The following MAGI1 variants were observed in gnomAD, a reference collection of about 807,000 sequenced individuals.
MAGI1 encodes the protein membrane-associated guanylate kinase, WW and PDZ domain-containing protein 1.
In MAGI1, 58 loss-of-function variants were observed where a neutral mutation model predicts 139.9. The observed-to-expected ratio is 0.41, with a 90% confidence interval of 0.34 to 0.52. The LOEUF (loss-of-function observed/expected upper bound fraction) is 0.52, where lower values mean the gene tolerates loss of function less well. Among genes scored for constraint, MAGI1 ranks in the 20% least tolerant of loss-of-function variants. The probability of loss-of-function intolerance (pLI) is 0.12; values close to 1 mark genes in which losing one functional copy is unlikely to be tolerated. For synonymous variants in MAGI1, 812 were observed against 737.9 expected (o/e 1.10, Z -1.63); for missense variants, 1,874 against 1,901.6 (o/e 0.99, Z 0.27).
At position 65,433,739 on chromosome 3, in the gene MAGI1, C is replaced by T. The variant is rs372221092; in HGVS notation, c.1364-2858G>A. On this transcript the variant is annotated intron_variant, in intron 10 of 22. Transcript: ENST00000402939. ...CTGATCAGGATGTTCTGGGTCTTGG[C>T]CCAAAACTCTGCACCTGAATGAACC... Among the ~76,000 whole-genome samples the T allele has an allele frequency of 2.6e-5, 4 of 152,010 alleles. No homozygotes were observed. The East Asian group carries it at 7.8e-4, about 29-fold the overall frequency.
intron 1 of MAGI1, among the ~76,000 whole-genome samples, chr3:65,753,143 C>T (rs529995988): frequency 6.6e-6 from 1 of 151,990 alleles, no homozygotes; most frequent in African/African-American, 2.4e-5. Flanking sequence ...TGGCAGAGAC[C>T]GAGATGAGAA....
intron 1 of MAGI1, among the ~76,000 whole-genome samples, chr3:65,974,226 T>G (rs1288073762): frequency 4.0e-5 from 6 of 151,896 alleles, no homozygotes; most frequent in South Asian, 2.1e-4. Context: ...AGCATCCTAA[T>G]CACTATGCAC....
intron 13 of MAGI1, among the ~76,000 whole-genome samples, chr3:65,399,973 T>C (rs1207159251): frequency 6.6e-6 from 1 of 152,090 alleles, no homozygotes; most frequent in East Asian, 1.9e-4. Flanking sequence ...GTAGGGTGTG[T>C]AAAATAAGCC....
chr3:65,714,257 C>A (rs2031908737), intron 1 of MAGI1, among the ~76,000 whole-genome samples: 1 of 152,154 alleles, frequency 6.6e-6, no homozygotes, highest in Non-Finnish European at 1.5e-5. Flanking sequence ...GCCCTGACCC[C>A]TGAATGTTCC....
intron 1 of MAGI1, among the ~76,000 whole-genome samples, chr3:65,912,725 A>G (rs2108681193): frequency 6.6e-6 from 1 of 152,304 alleles, no homozygotes; most frequent in South Asian, 2.1e-4. Context: ...GATTATTATG[A>G]GAATCAAAAG....
At chr3:66,018,676 G>A (rs2067800453) in intron 1 of MAGI1, among the ~76,000 whole-genome samples, 1 of 152,176 alleles carries the variant, frequency 6.6e-6, no homozygotes, top group African/African-American at 2.4e-5. Context: ...CTGATGGGCT[G>A]GTGACCCTCT....
At chr3:65,704,752 A>T (rs1018860397) in intron 1 of MAGI1, among the ~76,000 whole-genome samples, 4 of 151,990 alleles carry the variant, frequency 2.6e-5, no homozygotes, top group Non-Finnish European at 5.9e-5. Flanking sequence ...TAAAAAAAAA[A>T]GGCACAAGTA....
chr3:65,364,526 G>T, intron 20 of MAGI1, 139 bp downstream of exon 20: 1 of 705,614 alleles, frequency 1.4e-6, no homozygotes, highest in Non-Finnish European at 2.5e-6. Flanking sequence ...TCAAATGTAA[G>T]TATACGTTTG....
intron 1 of MAGI1, among the ~76,000 whole-genome samples, chr3:65,622,743 T>C (rs2083753098): frequency 6.6e-6 from 1 of 152,044 alleles, no homozygotes; most frequent in Non-Finnish European, 1.5e-5. Flanking sequence ...TATATATTTT[T>C]AGTAAAGACA....
chr3:65,764,336 A>C (rs942305940), intron 1 of MAGI1, among the ~76,000 whole-genome samples: 5 of 152,050 alleles, frequency 3.3e-5, no homozygotes, highest in Non-Finnish European at 5.9e-5. Flanking sequence ...GTTGTGATTC[A>C]TTCTCTATGC....
chr3:65,950,645 A>G (rs1200520575), intron 1 of MAGI1, among the ~76,000 whole-genome samples: 1 of 152,210 alleles, frequency 6.6e-6, no homozygotes, highest in Non-Finnish European at 1.5e-5. Flanking sequence ...AAAAAAAATT[A>G]TCATCTTTCC....
At chr3:65,716,844 C>G (rs2032313924) in intron 1 of MAGI1, among the ~76,000 whole-genome samples, 1 of 152,192 alleles carries the variant, frequency 6.6e-6, no homozygotes, top group East Asian at 1.9e-4. Context: ...GTTTTCCAAA[C>G]TATGTCACAG....
chr3:65,460,561 A>G (rs1312484012), intron 5 of MAGI1, among the ~76,000 whole-genome samples: 3 of 152,050 alleles, frequency 2.0e-5, no homozygotes, highest in Admixed American at 6.6e-5. Context: ...TTTTAAAAAA[A>G]TTATACTTAA....
intron 1 of MAGI1, among the ~76,000 whole-genome samples, chr3:65,683,434 TTGCTGTGAACTTAAAAC>T (rs2087733169): frequency 6.6e-6 from 1 of 151,888 alleles, no homozygotes; most frequent in South Asian, 2.1e-4. Flanking sequence ...TCTCTGAATT[TTGCTGTGAACTTAAAAC>T]TGCTCTAAAA....
intron 1 of MAGI1, among the ~76,000 whole-genome samples, chr3:65,678,964 C>G (rs995506890): frequency 5.3e-5 from 8 of 152,176 alleles, no homozygotes; most frequent in Admixed American, 6.5e-5. Flanking sequence ...CATCTTCCAA[C>G]TTGAATAATG....
chr3:65,587,515 G>A (rs1396046538), intron 2 of MAGI1, among the ~76,000 whole-genome samples: 51 of 122,424 alleles, frequency 4.2e-4, no homozygotes, highest in Non-Finnish European at 6.6e-4. Flanking sequence ...ACAGGGTCTC[G>A]CTCTGTCGCC....
At chr3:66,003,620 G>A (rs953565404) in intron 1 of MAGI1, among the ~76,000 whole-genome samples, 2 of 152,024 alleles carry the variant, frequency 1.3e-5, no homozygotes, top group Non-Finnish European at 2.9e-5. Context: ...ACAACACCCA[G>A]TTAATTTTTG....
At chr3:65,793,928 A>T (rs2039952838) in intron 1 of MAGI1, among the ~76,000 whole-genome samples, 1 of 152,252 alleles carries the variant, frequency 6.6e-6, no homozygotes, top group Admixed American at 6.5e-5. Context: ...CTGTTGTCTA[A>T]GAAGTTATAC....
chr3:65,486,806 T>A (rs1056416009), intron 3 of MAGI1, among the ~76,000 whole-genome samples: 1 of 152,178 alleles, frequency 6.6e-6, no homozygotes, highest in African/African-American at 2.4e-5. Context: ...ATTACAGCTG[T>A]CGGTGGATAG....
Sources: allele counts gnomAD v4.1 joint callset (sites outside exome capture counted in the v4.1 genomes callset), GRCh38; gene constraint gnomAD v4.1.1; transcripts MANE v1.5; gene names NCBI Gene and HGNC (gene_info 2026-07-23, HGNC 2026-07-21).